Variants in FAT1 observed in about 807,000 individuals in gnomAD.
FAT1 encodes the protein protocadherin Fat 1.
Under a neutral mutation model 329.8 loss-of-function variants are expected in FAT1, and 171 were observed. The ratio of observed to expected loss-of-function variants is 0.52; its 90% CI spans 0.46 to 0.59. The LOEUF (loss-of-function observed/expected upper bound fraction) is 0.59, where lower values mean the gene tolerates loss of function less well. FAT1 is among the 20% of genes least tolerant of loss of function. The pLI is 0.00. For synonymous variants in FAT1, 2,233 were observed against 2,228.6 expected (o/e 1.00, Z -0.06); for missense variants, 5,672 against 5,774.4 (o/e 0.98, Z 0.57).
intron 3 of FAT1, among the ~76,000 whole-genome samples, chr4:186,655,220 T>C (rs1579396076): frequency 2.0e-5 from 3 of 152,304 alleles, no homozygotes; most frequent in East Asian, 1.9e-4. Flanking sequence ...CCCTGTACCA[T>C]TAACTACTAA....
At chr4:186,682,041 A>C (rs568265979) in intron 2 of FAT1, among the ~76,000 whole-genome samples, 2 of 152,324 alleles carry the variant, frequency 1.3e-5, no homozygotes, top group East Asian at 3.9e-4. Context: ...GTAAAGCATA[A>C]TAGTTCGTGT....
chr4:186,627,339 C>T (rs552170460), intron 9 of FAT1, among the ~76,000 whole-genome samples: 1 of 152,110 alleles, frequency 6.6e-6, no homozygotes, highest in South Asian at 2.1e-4. Flanking sequence ...CAACATGGCA[C>T]CTGACACATA....
At chr4:186,717,243 G>A (rs1216138323) in intron 1 of FAT1, among the ~76,000 whole-genome samples, 3 of 152,052 alleles carry the variant, frequency 2.0e-5, no homozygotes, top group African/African-American at 7.2e-5. Flanking sequence ...AAATACTAAT[G>A]AGTAGATCCT....
intron 1 of FAT1, among the ~76,000 whole-genome samples, chr4:186,715,637 C>T (rs1745175942): frequency 6.6e-6 from 1 of 152,164 alleles, no homozygotes; most frequent in Non-Finnish European, 1.5e-5. Flanking sequence ...AGGACCTTAT[C>T]GCCTAGACTC....
In FAT1 at chr4:186,601,268, C is replaced by G. The variant is rs760487671; in HGVS notation, c.11640+1G>C. On this transcript the variant is annotated splice_donor_variant, in intron 21 of 26. Coordinates refer to ENST00000441802, the MANE Select transcript of FAT1 (RefSeq NM_005245.4). LOFTEE classifies it high-confidence loss of function. ...AGATGCAACGCTGTGGAGAAACATACCTCCAAGATGCTATAGTCAGTTCCT... is the reference window on the plus strand; with the variant it reads ...AGATGCAACGCTGTGGAGAAACATAGCTCCAAGATGCTATAGTCAGTTCCT... The G allele has an allele frequency of 6.4e-7, 1 of 1,573,916 alleles. No homozygotes were observed. The highest frequency in any genetic ancestry group is 8.7e-7 in the Non-Finnish European group (1 of 1,149,496).
At chr4:186,656,051 G>A (rs1437542193) in intron 3 of FAT1, among the ~76,000 whole-genome samples, 5 of 152,228 alleles carry the variant, frequency 3.3e-5, no homozygotes, top group Admixed American at 1.3e-4. Context: ...TGGGCCATAC[G>A]GGACCATGCC....
At chr4:186,670,350 G>A (rs767861043) in intron 2 of FAT1, among the ~76,000 whole-genome samples, 1 of 152,196 alleles carries the variant, frequency 6.6e-6, no homozygotes, top group African/African-American at 2.4e-5. Context: ...AAACTTAAAT[G>A]TGAGATATAA....
Position 186,609,948 on chromosome 4 carries a change from G to A in FAT1, c.9921C>T (p.Ala3307=). The change falls in exon 15 of 27, where the codon GCC becomes GCT. Residue 3307 remains alanine (A), a synonymous_variant. Coordinates refer to ENST00000441802, the MANE Select transcript of FAT1 (RefSeq NM_005245.4). ...TCAGTGAAGGCGTGCCTCCATCAGT[G>A]GCCTCTACTGTTAGGTAATACTCAT... ...SSHEYYLTVE[A]TDGGTPSLSD... 1 of 1,613,288 alleles carries A rather than the reference G, an allele frequency of 6.2e-7. No individual in the cohort carries two copies. The highest frequency in any genetic ancestry group is 1.1e-5 in the South Asian group (1 of 91,046).
chr4:186,671,653 G>GT (rs1418057346), intron 2 of FAT1, among the ~76,000 whole-genome samples: 1 of 151,744 alleles, frequency 6.6e-6, no homozygotes, highest in African/African-American at 2.4e-5. Context: ...GAGCCAAGAC[G>GT]TGTCATTGCA....
At chr4:186,663,987 G>T (rs1370171905) in intron 2 of FAT1, among the ~76,000 whole-genome samples, 1 of 152,064 alleles carries the variant, frequency 6.6e-6, no homozygotes, top group Non-Finnish European at 1.5e-5. Context: ...TTTTCCATAG[G>T]TAAAGTTTAT....
At chr4:186,638,096 A>G (rs915281907) in intron 4 of FAT1, among the ~76,000 whole-genome samples, 8 of 94,932 alleles carry the variant, frequency 8.4e-5, no homozygotes, top group African/African-American at 4.8e-4. Context: ...AGCTTTCAAC[A>G]TGTAATGGAG....
Position 186,613,351 on chromosome 4 carries a change from A to C in FAT1, c.9230-9T>G. The C allele has an allele frequency of 6.2e-7, 1 of 1,601,344 alleles. No homozygotes were observed. Among genetic ancestry groups the C allele is most frequent in the South Asian group, 1.1e-5 (1 of 90,868 alleles). ...TGACGTTTTCAGTTCACCTACAAAC[A>C]AAAACAAATGGACTCACTTGTAATT... is the stretch of plus-strand genomic sequence containing the variant. On this transcript the variant is annotated splice_polypyrimidine_tract_variant and intron_variant, in intron 12 of 26. Coordinates refer to ENST00000441802, the MANE Select transcript of FAT1 (RefSeq NM_005245.4).
At chr4:186,718,604 T>C (rs1745327207) in intron 1 of FAT1, among the ~76,000 whole-genome samples, 1 of 152,124 alleles carries the variant, frequency 6.6e-6, no homozygotes. Context: ...GAGGCGGAGC[T>C]TGCAGTGAGC....
chr4:186,636,917 G>GT lies in FAT1; in HGVS notation c.3643-4dup, dbSNP rs761849162. 13 of 1,589,756 alleles carry GT rather than the reference G, an allele frequency of 8.2e-6. No homozygotes were observed. Among genetic ancestry groups the GT allele is most frequent in the African/African-American group, 6.8e-5 (5 of 73,178 alleles). On this transcript the variant is annotated splice_polypyrimidine_tract_variant and splice_region_variant and intron_variant, in intron 4 of 26. Coordinates refer to ENST00000441802, the MANE Select transcript of FAT1 (RefSeq NM_005245.4). ...CTACCATTGTCTGTCACAGTAACCT[G>GT]TTTTTTTAAAGTTAACAGATTAACA... is the stretch of plus-strand genomic sequence containing the variant.
At chr4:186,613,631 A>T (rs538920895) in intron 12 of FAT1, among the ~76,000 whole-genome samples, 1 of 152,234 alleles carries the variant, frequency 6.6e-6, no homozygotes, top group Non-Finnish European at 1.5e-5. Flanking sequence ...ACCAAAATTT[A>T]AAAAATGTTT....
rs1738065499 is a variant in FAT1 at position 186,588,586 on chromosome 4, T to C, written c.*6A>G. 2 of 1,604,380 alleles carry C rather than the reference T, an allele frequency of 1.2e-6. No individual in the cohort carries two copies. Among genetic ancestry groups the C allele is most frequent in the Non-Finnish European group, 1.7e-6 (2 of 1,175,170 alleles). Reference sequence around the variant, plus strand: ...TAAAGTCAGGCACTTTGGGGGGAGTTGAGAGTCAGACTTCCGTGTGCTGCT... The same window carrying C: ...TAAAGTCAGGCACTTTGGGGGGAGTCGAGAGTCAGACTTCCGTGTGCTGCT... On this transcript the variant is annotated 3_prime_UTR_variant, in exon 27 of 27. Coordinates refer to ENST00000441802, the MANE Select transcript of FAT1 (RefSeq NM_005245.4).
rs2126466735 is a variant in FAT1 at position 186,611,438 on chromosome 4, G to A, written c.9801C>T (p.Tyr3267=). The change falls in exon 14 of 27, where the codon TAC becomes TAT. Residue 3267 remains tyrosine (Y), a synonymous_variant. Transcript: ENST00000441802. ...CATGTTCATTTCCACTTATTATTGA[G>A]TAGGTGATTTCTGCATTTGCTTCAA... ...RDIEANAEIT[Y]SIISGNEHGK... 1 of 1,613,736 alleles carries A rather than the reference G, an allele frequency of 6.2e-7. No homozygotes were observed. The highest frequency in any genetic ancestry group is 8.5e-7 in the Non-Finnish European group (1 of 1,179,784).
intron 7 of FAT1, among the ~76,000 whole-genome samples, chr4:186,632,349 T>G (rs1740639795): frequency 6.6e-6 from 1 of 152,218 alleles, no homozygotes; most frequent in East Asian, 1.9e-4. Flanking sequence ...GATTTCTGGG[T>G]AGTCGATTCT....
rs2126687248 is a variant in FAT1, at chr4:186,707,284, A to C, written c.2544T>G (p.Asp848Glu). The C allele has an allele frequency of 6.2e-7, 1 of 1,613,990 alleles. No homozygotes were observed. The highest frequency in any genetic ancestry group is 1.1e-5 in the South Asian group (1 of 91,072). ...CGTGTCCGTTGGGCCCCAGGTCTTT[A>C]TCTGTGGCTTCAACCTGGATGATTT... ...HSEIIQVEAT[D>E]KDLGPNGHVT... The change falls in exon 2 of 27, where the codon GAT becomes GAG. Residue 848 changes from aspartate (D) to glutamate (E), a missense_variant. Asp to Glu is a conservative substitution (Grantham distance 45). Around this residue, in one of 2 missense-constraint regions of FAT1, gnomAD observed 3,966 missense variants for 3,915.2 expected, o/e 1.01. Transcript: ENST00000441802.
Sources: allele counts gnomAD v4.1 joint callset (sites outside exome capture counted in the v4.1 genomes callset), GRCh38; gene constraint gnomAD v4.1.1; regional missense constraint gnomAD v4.1.1; transcripts MANE v1.5; gene names NCBI Gene and HGNC (gene_info 2026-07-23, HGNC 2026-07-21).